The following AGTPBP1 variants were observed in gnomAD, a reference collection of about 807,000 sequenced individuals.
AGTPBP1 encodes the protein cytosolic carboxypeptidase 1.
In AGTPBP1, 70 loss-of-function variants were observed where a neutral mutation model predicts 143.9. The ratio of observed to expected loss-of-function variants is 0.49; its 90% CI spans 0.40 to 0.59. AGTPBP1 has a LOEUF of 0.59. AGTPBP1 is among the 20% of genes least tolerant of loss of function. The pLI, the probability that AGTPBP1 is intolerant of heterozygous loss-of-function variation, is 0.00. For synonymous variants in AGTPBP1, 463 were observed against 500.2 expected (o/e 0.93, Z 0.99); for missense variants, 1,229 against 1,464.5 (o/e 0.84, Z 2.62).
intron 1 of AGTPBP1, among the ~76,000 whole-genome samples, chr9:85,716,326 T>C (rs1193142707): frequency 1.3e-5 from 2 of 152,246 alleles, no homozygotes; most frequent in African/African-American, 4.8e-5. Flanking sequence ...TTTAACGGAA[T>C]GCCCAGGGCT....
In AGTPBP1 at chr9:85,709,487, CAAT is replaced by C. The variant is rs1194005072; in HGVS notation, c.32+3012_32+3014del. ...CATCCTCCAATGTCATTCAGCTGCT[CAAT>C]AAAGGTTATCCAGGGTAAGGACTTT... On this transcript the variant is annotated intron_variant, in intron 2 of 25. Coordinates refer to ENST00000357081, the MANE Select transcript of AGTPBP1 (RefSeq NM_001330701.2). Among the ~76,000 whole-genome samples, 7 of 152,188 alleles carry C rather than the reference CAAT, an allele frequency of 4.6e-5. No homozygotes were observed. The South Asian group carries it at 1.0e-3, about 23-fold the overall frequency.
intron 14 of AGTPBP1, among the ~76,000 whole-genome samples, chr9:85,630,456 TG>T (rs1157436911): frequency 7.5e-6 from 1 of 134,180 alleles, no homozygotes. Context: ...TGGAGTGCAG[TG>T]GCACGATTGA....
chr9:85,655,146 C>T lies in AGTPBP1; in HGVS notation c.1084G>A (p.Glu362Lys), dbSNP rs1833415974. 1 of 1,609,668 alleles carries T rather than the reference C, an allele frequency of 6.2e-7. No individual in the cohort carries two copies. The highest frequency in any genetic ancestry group is 1.1e-5 in the South Asian group (1 of 90,348). The change falls in exon 11 of 26, where the codon GAA becomes AAA. Residue 362 changes from glutamate to lysine, a missense_variant. By Grantham distance (56) the Glu-to-Lys change is moderately conservative. Coordinates refer to ENST00000357081, the MANE Select transcript of AGTPBP1 (RefSeq NM_001330701.2). ...AGCAGTGACCCTGTGATCCTACCTT[C>T]AGGAGGTAAGCTGTAGAGCTGAGCC... ...PVAQLYSLPP[E>K]VDDVVDESDD...
chr9:85,614,498 C>A (rs11521798), intron 17 of AGTPBP1, among the ~76,000 whole-genome samples: 3 of 151,776 alleles, frequency 2.0e-5, no homozygotes, highest in African/African-American at 7.3e-5. Context: ...CAAAACATCA[C>A]GTGCCTTAGT....
At chr9:85,609,778 C>A (rs1830206722) in intron 17 of AGTPBP1, among the ~76,000 whole-genome samples, 1 of 152,002 alleles carries the variant, frequency 6.6e-6, no homozygotes. Context: ...AAATCCTGGA[C>A]AATTTGAATA....
the AGTPBP1 span, among the ~76,000 whole-genome samples, chr9:85,767,678 C>T: frequency 2.6e-5 from 4 of 151,842 alleles, no homozygotes; most frequent in African/African-American, 4.8e-5. Flanking sequence ...GACGAGGTCT[C>T]GCCATGTTGG....
At chr9:85,582,895 G>A (rs1477892979) in intron 23 of AGTPBP1, among the ~76,000 whole-genome samples, 2 of 152,100 alleles carry the variant, frequency 1.3e-5, no homozygotes, top group East Asian at 3.9e-4. Flanking sequence ...CCAGAATCTA[G>A]GAATGTTACT....
intron 14 of AGTPBP1, among the ~76,000 whole-genome samples, chr9:85,628,243 T>C (rs1831423690): frequency 1.3e-5 from 2 of 152,208 alleles, no homozygotes; most frequent in African/African-American, 4.8e-5. Context: ...GAAACCTTCA[T>C]CCTCAACAAT....
rs138824344 is a variant in AGTPBP1 at position 85,701,662 on chromosome 9, A to C, written c.33-8849T>G. 6.6e-5 allele frequency among the ~76,000 whole-genome samples: 10 copies of C among 152,320 alleles called. 1 individual carries two copies. Among genetic ancestry groups the C allele is most frequent in the African/African-American group, 2.4e-4 (10 of 41,578 alleles). On this transcript the variant is annotated intron_variant, in intron 2 of 25. Transcript: ENST00000357081. ...TGTAAAACACCGTAACAGAGAACAA[A>C]AACAGACTCTGACAGATTGCTTTAT...
chr9:85,575,952 A>G (rs62566887), intron 24 of AGTPBP1, among the ~76,000 whole-genome samples: 2,564 of 152,322 alleles, frequency 0.017, 31 homozygotes, highest in Middle Eastern at 0.055. Flanking sequence ...GATCAGTAAA[A>G]AGCAAATAAA....
chr9:85,704,838 TAC>T (rs1371890758), intron 2 of AGTPBP1, among the ~76,000 whole-genome samples: 1 of 152,184 alleles, frequency 6.6e-6, no homozygotes, highest in Non-Finnish European at 1.5e-5. Context: ...GTAACTATAT[TAC>T]GTGTGTGCAA....
intron 1 of AGTPBP1, among the ~76,000 whole-genome samples, chr9:85,716,870 T>C (rs1180844814): frequency 6.6e-6 from 1 of 152,196 alleles, no homozygotes; most frequent in Non-Finnish European, 1.5e-5. Flanking sequence ...CCCCAGTCCT[T>C]ACCTCCCTGT....
At chr9:85,639,524 A>C (rs1172992659) in intron 13 of AGTPBP1, among the ~76,000 whole-genome samples, 1 of 152,244 alleles carries the variant, frequency 6.6e-6, no homozygotes, top group Non-Finnish European at 1.5e-5. Flanking sequence ...ATTTAGAGAT[A>C]TGAGGATCAA....
At chr9:85,686,412 A>G (rs754948975) in intron 3 of AGTPBP1, among the ~76,000 whole-genome samples, 2 of 152,094 alleles carry the variant, frequency 1.3e-5, no homozygotes, top group Non-Finnish European at 2.9e-5. Flanking sequence ...AGACACAAAA[A>G]TCATGTGAAT....
the AGTPBP1 span, among the ~76,000 whole-genome samples, chr9:85,776,988 T>A: frequency 6.6e-6 from 1 of 152,200 alleles, no homozygotes. Context: ...GTCCCAGTCC[T>A]GCAAAGTATT....
Position 85,651,388 on chromosome 9 carries a change from G to C in AGTPBP1, c.1087+3755C>G, listed in dbSNP as rs561556325. 6.6e-5 allele frequency among the ~76,000 whole-genome samples: 10 copies of C among 152,226 alleles called. No individual in the cohort carries two copies. The South Asian group carries it at 2.1e-3, about 32-fold the overall frequency. On this transcript the variant is annotated intron_variant, in intron 11 of 25. Transcript: ENST00000357081. ...TTTTCATTTTAGAAATGCAAGAACA[G>C]TATAATATTAGGAAATCTATCAATA...
intron 25 of AGTPBP1, among the ~76,000 whole-genome samples, chr9:85,561,811 CA>C (rs890371182): frequency 6.3e-5 from 9 of 142,780 alleles, no homozygotes; most frequent in African/African-American, 1.3e-4. Context: ...CTGTATTGTC[CA>C]AAAAAAAAGA....
chr9:85,686,710 C>T (rs939049946), intron 3 of AGTPBP1, among the ~76,000 whole-genome samples: 9 of 151,968 alleles, frequency 5.9e-5, no homozygotes, highest in African/African-American at 2.2e-4. Context: ...GGAAATGAAG[C>T]TATATGGGAA....
chr9:85,640,749 A>G (rs1832410953), intron 13 of AGTPBP1, among the ~76,000 whole-genome samples: 2 of 152,226 alleles, frequency 1.3e-5, no homozygotes, highest in Non-Finnish European at 2.9e-5. Context: ...TCACAATCTA[A>G]AAGAAAGAAA....
Sources: gnomAD v4.1 joint callset for allele counts (sites outside exome capture counted in the v4.1 genomes callset) on GRCh38, gnomAD v4.1.1 for gene constraint, MANE v1.5 for transcripts, NCBI Gene and HGNC (gene_info 2026-07-23, HGNC 2026-07-21) for gene names.